The following CDKAL1 variants were observed in gnomAD, a reference collection of about 807,000 sequenced individuals.
CDKAL1 encodes CDKAL1 threonylcarbamoyladenosine tRNA methylthiotransferase.
A neutral mutation model predicts 68.2 loss-of-function variants in CDKAL1; 32 were observed. That is an observed-to-expected ratio of 0.47 (90% CI 0.35 to 0.63). The LOEUF (loss-of-function observed/expected upper bound fraction) is 0.63, where lower values mean the gene tolerates loss of function less well. Ranked by LOEUF, CDKAL1 falls within the 30% of genes least tolerant of loss-of-function variation. The probability of loss-of-function intolerance (pLI) is 0.00; values close to 1 mark genes in which losing one functional copy is unlikely to be tolerated. For missense variants in CDKAL1, 606 were observed against 696.7 expected (o/e 0.87, Z 1.47); for synonymous variants, 234 against 244.3 (o/e 0.96, Z 0.39).
At chr6:20,764,166 A>G (rs569863478) in intron 7 of CDKAL1, among the ~76,000 whole-genome samples, 5 of 152,234 alleles carry the variant, frequency 3.3e-5, no homozygotes, top group Non-Finnish European at 5.9e-5. Context: ...TATCATTAAA[A>G]ATAATCTTAT....
At chr6:20,952,737 C>G (rs1764594337) in intron 9 of CDKAL1, among the ~76,000 whole-genome samples, 1 of 152,248 alleles carries the variant, frequency 6.6e-6, no homozygotes, top group Admixed American at 6.5e-5. Flanking sequence ...TGAGTGACTA[C>G]TGAAGCCCTC....
intron 9 of CDKAL1, among the ~76,000 whole-genome samples, chr6:20,904,242 G>A (rs548351176): frequency 4.7e-4 from 71 of 152,244 alleles, no homozygotes; most frequent in African/African-American, 1.7e-3. Flanking sequence ...GGAATTTAAA[G>A]GTCTAGTCCA....
intron 8 of CDKAL1, among the ~76,000 whole-genome samples, chr6:20,835,561 T>C (rs1001294172): frequency 3.9e-5 from 6 of 152,124 alleles, no homozygotes; most frequent in African/African-American, 1.4e-4. Context: ...TTTTCTTTTT[T>C]TTTGAGGTAG....
chr6:21,142,314 G>GAAAA (rs71540615), intron 13 of CDKAL1, among the ~76,000 whole-genome samples: 1 of 136,502 alleles, frequency 7.3e-6, no homozygotes, highest in African/African-American at 2.7e-5. Flanking sequence ...GCTGCCATAT[G>GAAAA]AAAAAAAAAA....
chr6:20,926,940 G>C (rs114919920), intron 9 of CDKAL1, among the ~76,000 whole-genome samples: 3 of 147,254 alleles, frequency 2.0e-5, no homozygotes, highest in Non-Finnish European at 4.5e-5. Flanking sequence ...TATATATATA[G>C]AGAGAGAGAG....
chr6:21,219,662 G>A (rs1197173016), intron 15 of CDKAL1, among the ~76,000 whole-genome samples: 4 of 152,218 alleles, frequency 2.6e-5, no homozygotes, highest in Non-Finnish European at 5.9e-5. Flanking sequence ...AGAGCTCAGT[G>A]ATGCTGAAAC....
At chr6:20,909,499 T>A (rs1213512733) in intron 9 of CDKAL1, among the ~76,000 whole-genome samples, 1 of 152,228 alleles carries the variant, frequency 6.6e-6, no homozygotes, top group Non-Finnish European at 1.5e-5. Context: ...TTATTGCTTA[T>A]GCAGTCAGTG....
intron 9 of CDKAL1, among the ~76,000 whole-genome samples, chr6:20,903,401 A>G (rs550552902): frequency 6.6e-6 from 1 of 152,308 alleles, no homozygotes; most frequent in African/African-American, 2.4e-5. Flanking sequence ...TTCCTTTGAG[A>G]CTTTATAATT....
At chr6:20,612,468 T>G (rs898270151) in intron 4 of CDKAL1, among the ~76,000 whole-genome samples, 1 of 152,216 alleles carries the variant, frequency 6.6e-6, no homozygotes. Flanking sequence ...AGATGATATC[T>G]CATTGTGGTT....
intron 12 of CDKAL1, among the ~76,000 whole-genome samples, chr6:21,080,798 G>A (rs748683129): frequency 5.5e-4 from 83 of 152,122 alleles, no homozygotes; most frequent in Admixed American, 3.3e-3. Flanking sequence ...GGATGGAGCC[G>A]TGTTTTTGTG....
At chr6:21,050,241 A>G (rs1035151639) in intron 11 of CDKAL1, among the ~76,000 whole-genome samples, 1 of 152,184 alleles carries the variant, frequency 6.6e-6, no homozygotes, top group Admixed American at 6.5e-5. Context: ...ATTTTAGCAT[A>G]TAGATTTTGC....
chr6:21,037,104 A>C lies in CDKAL1; in HGVS notation c.1056-27944A>C, dbSNP rs149410184. Among the ~76,000 whole-genome samples the C allele has an allele frequency of 3.3e-5, 5 of 151,668 alleles. No individual in the cohort carries two copies. In the East Asian group the frequency reaches 9.7e-4, roughly 29 times the overall value. ...TCATTCATGATGTTTTAATGGGGGG[A>C]AAAATCTAAAACGGAAACCCAATAT... On this transcript the variant is annotated intron_variant, in intron 11 of 15. Transcript: ENST00000274695.
At chr6:21,113,249 T>C (rs1481697338) in intron 13 of CDKAL1, among the ~76,000 whole-genome samples, 1 of 152,190 alleles carries the variant, frequency 6.6e-6, no homozygotes, top group African/African-American at 2.4e-5. Context: ...TTAGAAACTT[T>C]GGTATTTTAG....
At chr6:21,075,792 G>C (rs1772038370) in intron 12 of CDKAL1, among the ~76,000 whole-genome samples, 1 of 152,050 alleles carries the variant, frequency 6.6e-6, no homozygotes, top group African/African-American at 2.4e-5. Context: ...GGTCACCTAA[G>C]TTTAAAAAGT....
intron 9 of CDKAL1, among the ~76,000 whole-genome samples, chr6:20,954,926 G>A (rs1455160556): frequency 6.6e-6 from 1 of 152,110 alleles, no homozygotes; most frequent in African/African-American, 2.4e-5. Flanking sequence ...TAGAATAGTT[G>A]CTATGAGAAA....
intron 13 of CDKAL1, among the ~76,000 whole-genome samples, chr6:21,115,570 A>T (rs1178863600): frequency 6.6e-6 from 1 of 152,184 alleles, no homozygotes; most frequent in African/African-American, 2.4e-5. Flanking sequence ...TGTGCACTTA[A>T]CTCTATTTCT....
At chr6:20,780,103 A>AC (rs892561745) in intron 7 of CDKAL1, among the ~76,000 whole-genome samples, 2 of 149,960 alleles carry the variant, frequency 1.3e-5, no homozygotes, top group African/African-American at 4.9e-5. Context: ...TAACCTTAAA[A>AC]AAAAAAAAAA....
chr6:21,032,742 A>G (rs1413408309), intron 11 of CDKAL1, among the ~76,000 whole-genome samples: 5 of 152,188 alleles, frequency 3.3e-5, no homozygotes, highest in African/African-American at 4.8e-5. Flanking sequence ...CCTAGGAACC[A>G]TAGCCTGTAC....
intron 13 of CDKAL1, among the ~76,000 whole-genome samples, chr6:21,168,618 G>A (rs756053183): frequency 6.6e-6 from 1 of 152,142 alleles, no homozygotes; most frequent in Non-Finnish European, 1.5e-5. Flanking sequence ...AAAATAAAAA[G>A]CATACCATCT....
Sources: gnomAD v4.1 joint callset for allele counts (sites outside exome capture counted in the v4.1 genomes callset) on GRCh38, gnomAD v4.1.1 for gene constraint, MANE v1.5 for transcripts, NCBI Gene and HGNC (gene_info 2026-07-23, HGNC 2026-07-21) for gene names.